HTR1F: variants seen among roughly 807,000 people sequenced by gnomAD.
The protein encoded by HTR1F is 5-hydroxytryptamine (serotonin) receptor 1F, G protein-coupled.
A neutral mutation model predicts 24.0 loss-of-function variants in HTR1F; 17 were observed. The observed-to-expected ratio is 0.71, with a 90% CI of 0.48 to 1.06. The LOEUF is 1.06. Ranked by LOEUF, HTR1F falls within the 50% of genes least tolerant of loss-of-function variation. The pLI is 0.00. For synonymous variants in HTR1F, 186 were observed against 156.8 expected, an observed-to-expected ratio of 1.19 and a Z score of -1.39; for missense variants, 391 against 427.8, an observed-to-expected ratio of 0.91 and a Z score of 0.76.
At chr3:87,849,429 C>G (rs1705028371) in intron 2 of HTR1F, among the ~76,000 whole-genome samples, 1 of 151,802 alleles carries the variant, frequency 6.6e-6, no homozygotes. Context: ...AACTGGATCC[C>G]TTTCTTACAC....
At chr3:87,849,615 A>G (rs959906577) in intron 2 of HTR1F, among the ~76,000 whole-genome samples, 1 of 151,958 alleles carries the variant, frequency 6.6e-6, no homozygotes, top group Non-Finnish European at 1.5e-5. Context: ...AATGGGATCT[A>G]ATTAAACTAA....
intron 2 of HTR1F, among the ~76,000 whole-genome samples, chr3:87,914,398 G>A (rs1305737515): frequency 1.3e-5 from 2 of 152,124 alleles, no homozygotes; most frequent in African/African-American, 4.8e-5. Context: ...CCATGGGCAG[G>A]GGAAGAATCA....
chr3:87,844,080 C>T (rs1269384205), intron 2 of HTR1F, among the ~76,000 whole-genome samples: 2 of 149,230 alleles, frequency 1.3e-5, no homozygotes, highest in East Asian at 2.0e-4. Flanking sequence ...ATTTCTAGTT[C>T]TAGATCCCTG....
Position 87,991,815 on chromosome 3 carries a change from A to G in HTR1F, c.1066A>G (p.Lys356Glu). The G allele has an allele frequency of 6.3e-7, 1 of 1,589,230 alleles. No homozygotes were observed. Among genetic ancestry groups the G allele is most frequent in the South Asian group, 1.2e-5 (1 of 86,260 alleles). The change falls in exon 3 of 3, where the codon AAA (lysine) becomes GAA (glutamate). Residue 356 changes from lysine to glutamate, a missense_variant. Transcript: ENST00000319595. ...CACAATCTTTAATGAAGACTTCAAGAAAGCATTCCAAAAGCTTGTGCGATG... is the reference window on the plus strand; with the variant it reads ...CACAATCTTTAATGAAGACTTCAAGGAAGCATTCCAAAAGCTTGTGCGATG... ...IYTIFNEDFK[K>E]AFQKLVRCRC is the part of the protein sequence containing the mutation.
At chr3:87,914,598 A>G (rs1442713478) in intron 2 of HTR1F, among the ~76,000 whole-genome samples, 2 of 151,946 alleles carry the variant, frequency 1.3e-5, no homozygotes, top group South Asian at 2.1e-4. Context: ...GACAACCTGC[A>G]TGACTCAGCA....
chr3:87,862,066 C>A (rs1247609471), intron 2 of HTR1F, among the ~76,000 whole-genome samples: 1 of 151,988 alleles, frequency 6.6e-6, no homozygotes, highest in Non-Finnish European at 1.5e-5. Flanking sequence ...GAAAAATAAC[C>A]TCTTATATTT....
At chr3:87,903,845 A>G (rs1044968263) in intron 2 of HTR1F, among the ~76,000 whole-genome samples, 75 of 152,340 alleles carry the variant, frequency 4.9e-4, no homozygotes, top group African/African-American at 1.7e-3. Flanking sequence ...TTGCGGCACT[A>G]TTCACAATAG....
chr3:87,952,980 A>G (rs1313104195), intron 2 of HTR1F, among the ~76,000 whole-genome samples: 2 of 151,950 alleles, frequency 1.3e-5, no homozygotes, highest in Non-Finnish European at 2.9e-5. Flanking sequence ...AAAAATGAGT[A>G]CACAGTTTTA....
chr3:87,962,229 C>A (rs996134990), intron 2 of HTR1F, among the ~76,000 whole-genome samples: 2 of 151,920 alleles, frequency 1.3e-5, no homozygotes, highest in Non-Finnish European at 2.9e-5. Context: ...TTGGCTACTA[C>A]TTAGGATAGT....
At chr3:87,856,289 T>C (rs1705196242) in intron 2 of HTR1F, among the ~76,000 whole-genome samples, 1 of 152,066 alleles carries the variant, frequency 6.6e-6, no homozygotes, top group Non-Finnish European at 1.5e-5. Context: ...TACTGAAATG[T>C]ATCCCTCATG....
chr3:87,899,843 G>T (rs1361727254), intron 2 of HTR1F, among the ~76,000 whole-genome samples: 2 of 152,132 alleles, frequency 1.3e-5, no homozygotes, highest in East Asian at 3.9e-4. Context: ...AGCCTGGGTG[G>T]CAGAGCGAGA....
chr3:87,866,889 G>C (rs1029671786), intron 2 of HTR1F, among the ~76,000 whole-genome samples: 1 of 151,212 alleles, frequency 6.6e-6, no homozygotes, highest in African/African-American at 2.4e-5. Flanking sequence ...GGAAGAAAAG[G>C]TGTGTAGTAC....
At chr3:87,954,754 T>A (rs1177020128) in intron 2 of HTR1F, among the ~76,000 whole-genome samples, 1 of 151,638 alleles carries the variant, frequency 6.6e-6, no homozygotes. Flanking sequence ...GCTTAGCAGG[T>A]GGAATAATGG....
At chr3:87,937,801 G>C (rs1338141684) in intron 2 of HTR1F, among the ~76,000 whole-genome samples, 1 of 152,010 alleles carries the variant, frequency 6.6e-6, no homozygotes, top group African/African-American at 2.4e-5. Flanking sequence ...GTGGGTGCCT[G>C]TAGTCCCAGC....
chr3:87,991,386 C>T lies in HTR1F; in HGVS notation c.637C>T (p.His213Tyr). The T allele has an allele frequency of 1.2e-6, 2 of 1,613,854 alleles. No individual in the cohort carries two copies. The highest frequency in any genetic ancestry group is 1.3e-5 in the African/African-American group (1 of 75,000). ...KIYRAAKTLYHKRQASRIAKE... is the reference protein window; with the variant it reads ...KIYRAAKTLYYKRQASRIAKE... The stretch of plus-strand genomic sequence containing the variant: ...ATATAGAGCAGCAAAGACATTATAC[C>T]ACAAGAGACAAGCAAGTAGGATTGC... The change falls in exon 3 of 3, where the codon CAC (histidine) becomes TAC (tyrosine). Residue 213 changes from histidine (H) to tyrosine (Y), a missense_variant. By Grantham distance (83) the His-to-Tyr change is moderately conservative. Coordinates refer to ENST00000319595, the MANE Select transcript of HTR1F (RefSeq NM_001322209.2).
chr3:87,924,392 T>C (rs1704078063), intron 2 of HTR1F, among the ~76,000 whole-genome samples: 1 of 152,176 alleles, frequency 6.6e-6, no homozygotes, highest in Non-Finnish European at 1.5e-5. Context: ...ATTGCTTATC[T>C]TTGCAGTTTT....
Position 87,875,315 on chromosome 3 carries a change from T to G in HTR1F, c.-43+53191T>G, listed in dbSNP as rs559349207. 2.2e-4 allele frequency among the ~76,000 whole-genome samples: 33 copies of G among 151,910 alleles called. No individual in the cohort carries two copies. In the South Asian group the frequency reaches 6.9e-3, roughly 32 times the overall value. On this transcript the variant is annotated intron_variant, in intron 2 of 2. Coordinates refer to ENST00000319595, the MANE Select transcript of HTR1F (RefSeq NM_001322209.2). ...AAATACAAAAACTAGCCAGGCATGG[T>G]GGTGGCTGCCTGTAATCCCAGCTAC...
At chr3:87,819,387 T>G (rs1339447618) in intron 1 of HTR1F, among the ~76,000 whole-genome samples, 1 of 152,012 alleles carries the variant, frequency 6.6e-6, no homozygotes, top group East Asian at 1.9e-4. Context: ...TTATACTGGT[T>G]GTTTTATCTG....
intron 2 of HTR1F, among the ~76,000 whole-genome samples, chr3:87,890,958 C>T (rs1706068404): frequency 6.6e-6 from 1 of 151,792 alleles, no homozygotes; most frequent in Non-Finnish European, 1.5e-5. Context: ...TCTCCCACCT[C>T]AGCCTCCCAA....
Sources: gnomAD v4.1 joint callset for allele counts (sites outside exome capture counted in the v4.1 genomes callset) on GRCh38, gnomAD v4.1.1 for gene constraint, MANE v1.5 for transcripts, NCBI Gene and HGNC (gene_info 2026-07-23, HGNC 2026-07-21) for gene names.